The following LTBP4 variants were observed in gnomAD, a reference collection of about 807,000 sequenced individuals.
LTBP4 encodes the protein latent-transforming growth factor beta-binding protein 4.
A neutral mutation model predicts 180.2 loss-of-function variants in LTBP4; 93 were observed. The observed-to-expected ratio is 0.52, with a 90% CI of 0.44 to 0.61. The LOEUF (loss-of-function observed/expected upper bound fraction) is 0.61, where lower values mean the gene tolerates loss of function less well. LTBP4 is among the 20% of genes least tolerant of loss of function. The pLI is 0.00. For missense variants in LTBP4, 2,116 were observed against 2,256.5 expected (o/e 0.94, Z 1.26); for synonymous variants, 947 against 934.5 (o/e 1.01, Z -0.24).
chr19:40,612,262 T>C, intron 15 of LTBP4, 70 bp downstream of exon 15: 1 of 1,507,518 alleles, frequency 6.6e-7, no homozygotes, highest in Non-Finnish European at 8.9e-7. Flanking sequence ...AGATCACAAC[T>C]ATGACCTGGC....
intron 22 of LTBP4, among the ~76,000 whole-genome samples, chr19:40,621,075 G>A (rs1202072128): frequency 6.6e-6 from 1 of 151,984 alleles, no homozygotes; most frequent in Non-Finnish European, 1.5e-5. Context: ...CTGAGTAGCT[G>A]GGATTACAGG....
chr19:40,608,241 C>G lies in LTBP4; in HGVS notation c.1178C>G (p.Pro393Arg). 1.2e-6 allele frequency: 2 copies of G among 1,613,968 alleles called. No homozygotes were observed. The highest frequency in any genetic ancestry group is 1.7e-6 in the Non-Finnish European group (2 of 1,179,890). Residue 393 changes from proline (P) to arginine (R), a missense_variant, in exon 8 of 30, where the codon CCG (proline) becomes CGG (arginine). By Grantham distance (103) the Pro-to-Arg change is moderately radical. This residue lies in a region of LTBP4 where 877 missense variants were observed against 873.6 expected (regional missense o/e 1.00). Transcript: ENST00000396819. ...CCAGAGGGTTTCCGGGAGATCTGCC[C>G]GGCTGGTCCTGGTTACCACTACTCG... ...FGSEGFREIC[P>R]AGPGYHYSAS... is the part of the protein sequence containing the mutation.
In LTBP4 at chr19:40,613,549, C is replaced by G; in HGVS notation, c.2557+20C>G. On this transcript the variant is annotated intron_variant, in intron 17 of 29. Coordinates refer to ENST00000396819, the MANE Select transcript of LTBP4 (RefSeq NM_001042545.2). The surrounding 1 kb of genome is among the most constrained non-coding windows in gnomAD (Gnocchi z 5.0). Reference sequence around the variant, plus strand: ...GCCTCGGTTCGTACCCGGGCTGATCCTGGCCCCGGAAAGGGTGGGCTTAGG... The same window carrying G: ...GCCTCGGTTCGTACCCGGGCTGATCGTGGCCCCGGAAAGGGTGGGCTTAGG... 1 of 1,558,362 alleles carries G rather than the reference C, an allele frequency of 6.4e-7. No individual in the cohort carries two copies. The highest frequency in any genetic ancestry group is 8.7e-7 in the Non-Finnish European group (1 of 1,153,194).
At chr19:40,619,194 A>C (rs930585464) in intron 21 of LTBP4, among the ~76,000 whole-genome samples, 153 bp from the exon 22 acceptor site, 2 of 152,118 alleles carry the variant, frequency 1.3e-5, no homozygotes, top group Admixed American at 6.6e-5. Flanking sequence ...TTCCCAAGGG[A>C]AATTCAAGGT....
At position 40,605,868 on chromosome 19, in the gene LTBP4, G is replaced by A. The variant is rs772639241; in HGVS notation, c.793+37G>A. 132 of 1,527,446 alleles carry A rather than the reference G, an allele frequency of 8.6e-5. No homozygotes were observed. Among genetic ancestry groups the A allele is most frequent in the Non-Finnish European group, 1.1e-4 (125 of 1,141,214 alleles). 94.6% of individuals were successfully genotyped at this position (1,527,446 alleles called of 1,614,324 possible). ...GACGTCCCCGAAGTGCTCGGAGCTG[G>A]GGAGTGGTGACAACCTCACCGTTCC... On this transcript the variant is annotated intron_variant, in intron 4 of 29. Transcript: ENST00000396819. The surrounding 1 kb of genome is among the most constrained non-coding windows in gnomAD (Gnocchi z 5.5).
chr19:40,624,094 C>G lies in LTBP4; in HGVS notation c.3832+12C>G. ...GAGCCAGAGCCTCGGTAACCCCGCC[C>G]ACGCCATCCAGGCCCTCCTTCCCTT... On this transcript the variant is annotated intron_variant, in intron 26 of 29. Transcript: ENST00000396819. 6.5e-7 allele frequency: 1 copy of G among 1,528,184 alleles called. No individual in the cohort carries two copies. Among genetic ancestry groups the G allele is most frequent in the Admixed American group, 2.0e-5 (1 of 51,056 alleles). 94.7% of individuals were successfully genotyped at this position (1,528,184 alleles called of 1,614,324 possible). A position where few individuals can be genotyped will look rare whatever the true frequency, so the allele number is the denominator to read the frequency against.
intron 29 of LTBP4, among the ~76,000 whole-genome samples, chr19:40,628,476 T>C (rs575721753): frequency 1.7e-4 from 26 of 152,182 alleles, no homozygotes; most frequent in Non-Finnish European, 3.4e-4. Flanking sequence ...ATCGCGCCAT[T>C]GCACTCCAGC....
Position 40,627,306 on chromosome 19 carries a change from C to A in LTBP4, c.4317C>A (p.Arg1439=). ...TRWPYRSRDT[R]RSFPEPEEPP... is the part of the protein sequence containing the mutation. ...GGCCCTATCGGTCCCGGGACACCCG[C>A]CGCTCCTTCCCAGAGCCCGAGGAGC... Residue 1439 remains arginine, a synonymous_variant, in exon 28 of 30, where the codon CGC becomes CGA. Transcript: ENST00000396819. 1 of 1,529,768 alleles carries A rather than the reference C, an allele frequency of 6.5e-7. No individual in the cohort carries two copies. 94.8% of individuals were successfully genotyped at this position (1,529,768 alleles called of 1,614,324 possible). A position where few individuals can be genotyped will look rare whatever the true frequency, so the allele number is the denominator to read the frequency against.
chr19:40,611,277 G>A lies in LTBP4; in HGVS notation c.1936G>A (p.Glu646Lys), dbSNP rs1275823205. ...RGSACEEDVDECAQEPPPCGP... is the reference protein window; with the variant it reads ...RGSACEEDVDKCAQEPPPCGP... ...CTCGGCGTGTGAAGAGGATGTGGATGAGTGTGCCCAGGAGCCGCCGCCCTG... is the reference window on the plus strand; with the variant it reads ...CTCGGCGTGTGAAGAGGATGTGGATAAGTGTGCCCAGGAGCCGCCGCCCTG... The change falls in exon 13 of 30, where the codon GAG becomes AAG. Residue 646 changes from glutamate (E) to lysine (K), a missense_variant. Glu to Lys is a moderately conservative substitution (Grantham distance 56). Around this residue, in one of 5 missense-constraint regions of LTBP4, gnomAD observed 877 missense variants for 873.6 expected, o/e 1.00. Transcript: ENST00000396819. The surrounding 1 kb of genome is among the most constrained non-coding windows in gnomAD (Gnocchi z 4.4). 1 of 1,612,420 alleles carries A rather than the reference G, an allele frequency of 6.2e-7. No individual in the cohort carries two copies. Among genetic ancestry groups the A allele is most frequent in the Non-Finnish European group, 8.5e-7 (1 of 1,179,374 alleles).
intron 1 of LTBP4, among the ~76,000 whole-genome samples, chr19:40,593,576 T>C (rs1383044581): frequency 1.3e-5 from 2 of 151,200 alleles, no homozygotes; most frequent in Non-Finnish European, 2.9e-5. Flanking sequence ...CATGCCAGGA[T>C]ATTCAGAATA....
In LTBP4 at chr19:40,629,328, T is replaced by C. The variant is rs566946550; in HGVS notation, c.4520-68T>C. 3 of 1,600,302 alleles carry C rather than the reference T, an allele frequency of 1.9e-6. No individual in the cohort carries two copies. In the South Asian group the frequency reaches 3.3e-5, roughly 18 times the overall value. ...TCTGTGCTCCTCTGTTCCAAGAACT[T>C]AAGGGGCCAAGGAGGCGAGCTTCTG... is the stretch of plus-strand genomic sequence containing the variant. On this transcript the variant is annotated intron_variant, in intron 29 of 29. Transcript: ENST00000396819. This position sits in a 1 kb window ranked among gnomAD's most constrained non-coding sequence, Gnocchi z 4.5.
chr19:40,604,952 G>A (rs764954274), intron 1 of LTBP4, 83 bp from the exon 2 acceptor site: 43 of 1,293,056 alleles, frequency 3.3e-5, no homozygotes, highest in Non-Finnish European at 4.3e-5. Context: ...ACTTAGAAAT[G>A]AATGATACCT....
rs1164669417 is a variant in LTBP4 at position 40,622,105 on chromosome 19, G to A, written c.3218-296G>A. 1.3e-5 allele frequency among the ~76,000 whole-genome samples: 2 copies of A among 152,136 alleles called. No individual in the cohort carries two copies. The highest frequency in any genetic ancestry group is 4.8e-5 in the African/African-American group (2 of 41,412). On this transcript the variant is annotated intron_variant, in intron 22 of 29. Coordinates refer to ENST00000396819, the MANE Select transcript of LTBP4 (RefSeq NM_001042545.2). This position sits in a 1 kb window ranked among gnomAD's most constrained non-coding sequence, Gnocchi z 5.1. ...CCAGTTTGCCACACACTGGATAAGAGACCCAGAGAGGCATCCAGGAAGCCA... is the reference window on the plus strand; with the variant it reads ...CCAGTTTGCCACACACTGGATAAGAAACCCAGAGAGGCATCCAGGAAGCCA...
At chr19:40,601,659 C>T (rs1212573843) in intron 1 of LTBP4, 22 bp downstream of exon 1, 1 of 1,335,806 alleles carries the variant, frequency 7.5e-7, no homozygotes, top group East Asian at 3.1e-5. Context: ...GTGGTGGTCC[C>T]GAGAGAGCGG....
rs536509186 is a variant in LTBP4, at chr19:40,605,758, G to T, written c.720G>T (p.Thr240=). 32 of 1,544,278 alleles carry T rather than the reference G, an allele frequency of 2.1e-5. No homozygotes were observed. The highest frequency in any genetic ancestry group is 2.7e-5 in the Non-Finnish European group (31 of 1,146,656). ...ECASPLPGLR[T]QEVCCRGAGL... ...CGTCCCCGCTGCCCGGGCTCCGGACGCAGGAGGTCTGCTGCCGAGGGGCCG... is the reference window on the plus strand; with the variant it reads ...CGTCCCCGCTGCCCGGGCTCCGGACTCAGGAGGTCTGCTGCCGAGGGGCCG... The change falls in exon 4 of 30, where the codon ACG becomes ACT. Residue 240 remains threonine, a synonymous_variant. Transcript: ENST00000396819. The surrounding 1 kb of genome is among the most constrained non-coding windows in gnomAD (Gnocchi z 5.5).
upstream of LTBP4, chr19:40,599,447 C>G: frequency 6.2e-7 from 1 of 1,613,976 alleles, no homozygotes; most frequent in Non-Finnish European, 8.5e-7. Flanking sequence ...AAGCTGCCAG[C>G]CCAAAAAGTG....
rs957557484 is a variant in LTBP4, at chr19:40,612,962, C to T, written c.2300-103C>T. The T allele has an allele frequency of 7.3e-6, 9 of 1,231,798 alleles. No homozygotes were observed. The Admixed American group carries it at 8.3e-5, about 11-fold the overall frequency. The allele number at this position is 1,231,798 out of a possible 1,614,324, so 76.3% of individuals were successfully genotyped here. A position where few individuals can be genotyped will look rare whatever the true frequency, so the allele number is the denominator to read the frequency against. Reference sequence around the variant, plus strand: ...CATAGAGCCCTCCCCCAGCCTCCAACTCATGAGACTTCCCACCACCTCCCC... The same window carrying T: ...CATAGAGCCCTCCCCCAGCCTCCAATTCATGAGACTTCCCACCACCTCCCC... On this transcript the variant is annotated intron_variant, in intron 15 of 29. Coordinates refer to ENST00000396819, the MANE Select transcript of LTBP4 (RefSeq NM_001042545.2).
In LTBP4 at chr19:40,623,741, C is replaced by G. The variant is rs2146045711; in HGVS notation, c.3685+9C>G. The stretch of plus-strand genomic sequence containing the variant: ...GCGGCTGGAGTGCATCGGTACAAGC[C>G]CCACCTCCCCCAACCCCCGGCAACT... On this transcript the variant is annotated intron_variant, in intron 25 of 29. Coordinates refer to ENST00000396819, the MANE Select transcript of LTBP4 (RefSeq NM_001042545.2). 3.7e-6 allele frequency: 6 copies of G among 1,613,606 alleles called. No homozygotes were observed. The highest frequency in any genetic ancestry group is 5.1e-6 in the Non-Finnish European group (6 of 1,179,644).
In LTBP4 at chr19:40,608,524, C is replaced by G. The variant is rs1250595787; in HGVS notation, c.1347C>G (p.Pro449=). 22 of 1,605,614 alleles carry G rather than the reference C, an allele frequency of 1.4e-5. No individual in the cohort carries two copies. Among genetic ancestry groups the G allele is most frequent in the Non-Finnish European group, 1.9e-5 (22 of 1,177,150 alleles). ...PTHRLEPRPE[P]RPDPRPGPEL... The stretch of plus-strand genomic sequence containing the variant: ...ATCGCCTGGAGCCCCGGCCTGAACC[C>G]CGGCCCGATCCCCGGCCCGGCCCTG... The change falls in exon 9 of 30, where the codon CCC becomes CCG. Residue 449 remains proline, a synonymous_variant. Transcript: ENST00000396819.
Sources: allele counts gnomAD v4.1 joint callset (sites outside exome capture counted in the v4.1 genomes callset), GRCh38; gene constraint gnomAD v4.1.1; regional missense constraint gnomAD v4.1.1; non-coding constraint Gnocchi (gnomAD v3.1); transcripts MANE v1.5; gene names NCBI Gene and HGNC (gene_info 2026-07-23, HGNC 2026-07-21).